The following APOH variants were observed in gnomAD, a reference collection of about 807,000 sequenced individuals.
APOH encodes apolipoprotein H.
APOH carries 48 observed loss-of-function variants against 39.8 expected under a neutral mutation model. The observed-to-expected ratio is 1.21, with a 90% CI of 0.96 to 1.54. The LOEUF (loss-of-function observed/expected upper bound fraction) is 1.54, where lower values mean the gene tolerates loss of function less well. APOH is among the 40% of genes most tolerant of loss of function. The pLI is 0.00. For synonymous variants in APOH, 153 were observed against 151.1 expected, an observed-to-expected ratio of 1.01 and a Z score of -0.09; for missense variants, 415 against 421.2, an observed-to-expected ratio of 0.99 and a Z score of 0.13.
intron 2 of APOH, 112 bp downstream of exon 2, chr17:66,227,908 T>A: frequency 1.7e-6 from 2 of 1,171,450 alleles, no homozygotes. Context: ...AACCTGGCTT[T>A]CTGCAGCATC....
At chr17:66,224,759 AAAG>A (rs2073429014) in intron 3 of APOH, among the ~76,000 whole-genome samples, 1 of 147,732 alleles carries the variant, frequency 6.8e-6, no homozygotes, top group African/African-American at 2.5e-5. Flanking sequence ...AAAGGAAAGG[AAAG>A]GAAAGGAAAG....
intron 2 of APOH, among the ~76,000 whole-genome samples, chr17:66,226,582 G>A (rs1208914751): frequency 6.7e-6 from 1 of 149,574 alleles, no homozygotes; most frequent in East Asian, 2.0e-4. Flanking sequence ...GTGCCAAGAT[G>A]GCACCACTGC....
chr17:66,221,359 AG>A (rs1162298875), intron 4 of APOH, among the ~76,000 whole-genome samples: 1 of 67,402 alleles, frequency 1.5e-5, no homozygotes, highest in East Asian at 5.6e-4. Flanking sequence ...AAGAAAGAGG[AG>A]GGGAGGGGAG....
chr17:66,227,303 G>A (rs1351759486), intron 2 of APOH, among the ~76,000 whole-genome samples: 2 of 152,046 alleles, frequency 1.3e-5, no homozygotes, highest in African/African-American at 4.8e-5. Context: ...GCATAACTTT[G>A]ACAAAGGTCC....
rs770312358 is a variant in APOH at position 66,228,211 on chromosome 17, A to G, written c.65-15T>C. Reference sequence around the variant, plus strand: ...CTTGGGACAGGCTGAAAGAGGGCACAAAGCAGATGGTTAACAAATCTCTAT... The same window carrying G: ...CTTGGGACAGGCTGAAAGAGGGCACGAAGCAGATGGTTAACAAATCTCTAT... On this transcript the variant is annotated splice_polypyrimidine_tract_variant and intron_variant, in intron 1 of 7. Coordinates refer to ENST00000205948, the MANE Select transcript of APOH (RefSeq NM_000042.3). 1.2e-6 allele frequency: 2 copies of G among 1,605,640 alleles called. No individual in the cohort carries two copies. The highest frequency in any genetic ancestry group is 1.1e-5 in the South Asian group (1 of 90,118).
At chr17:66,216,741 C>T in intron 6 of APOH, 47 bp downstream of exon 6, 29 of 1,486,794 alleles carry the variant, frequency 2.0e-5, no homozygotes, top group Non-Finnish European at 2.5e-5. Flanking sequence ...AGGTGATCCA[C>T]TGTATCAATT....
chr17:66,224,972 C>A (rs775097474), intron 3 of APOH, among the ~76,000 whole-genome samples: 5 of 151,014 alleles, frequency 3.3e-5, no homozygotes, highest in Non-Finnish European at 5.9e-5. Context: ...GAAGCTGAGG[C>A]AGGAGAATTG....
intron 3 of APOH, among the ~76,000 whole-genome samples, 177 bp downstream of exon 3, chr17:66,225,851 T>C (rs1229850868): frequency 6.7e-6 from 1 of 148,844 alleles, no homozygotes; most frequent in Admixed American, 6.7e-5. Context: ...CGCTCCAGCC[T>C]GGGCGACAGA....
At chr17:66,220,800 C>A in intron 4 of APOH, 58 bp from the exon 5 acceptor site, 3 of 1,447,806 alleles carry the variant, frequency 2.1e-6, no homozygotes, top group Non-Finnish European at 2.8e-6. Context: ...TAAATATACT[C>A]TTTCCAGAAA....
chr17:66,220,881 A>G (rs2073394261), intron 4 of APOH, 139 bp from the exon 5 acceptor site: 1 of 895,018 alleles, frequency 1.1e-6, no homozygotes, highest in South Asian at 1.9e-5. Context: ...AAAATTGTCA[A>G]TTGTGGATGC....
At chr17:66,218,128 A>G (rs2073376455) in intron 5 of APOH, among the ~76,000 whole-genome samples, 1 of 152,196 alleles carries the variant, frequency 6.6e-6, no homozygotes, top group Non-Finnish European at 1.5e-5. Flanking sequence ...GGATTCTACC[A>G]TGACTGCCCA....
chr17:66,229,182 C>T, intron 1 of APOH, 134 bp downstream of exon 1: 1 of 593,040 alleles, frequency 1.7e-6, no homozygotes, highest in East Asian at 3.5e-5. Context: ...GGTGATCCAC[C>T]TGCCTTGGCC....
intron 3 of APOH, among the ~76,000 whole-genome samples, chr17:66,225,507 A>G (rs1421848557): frequency 6.6e-6 from 1 of 152,180 alleles, no homozygotes; most frequent in Non-Finnish European, 1.5e-5. Flanking sequence ...TTTTAACCCT[A>G]TCCAAGATTT....
intron 4 of APOH, among the ~76,000 whole-genome samples, chr17:66,221,266 A>AAAGGAAGG (rs369169198): frequency 0.2 from 23,765 of 119,762 alleles, 3,265 homozygotes; most frequent in Non-Finnish European, 0.28. Context: ...AGAGAGAAAG[A>AAAGGAAGG]AAGGAAGGAA....
intron 4 of APOH, among the ~76,000 whole-genome samples, chr17:66,221,021 C>T (rs922294184): frequency 1.3e-5 from 2 of 151,722 alleles, no homozygotes; most frequent in African/African-American, 2.4e-5. Context: ...GGTGAAACCC[C>T]GTCTCTACCA....
chr17:66,221,407 G>GGAAA (rs2073401415), intron 4 of APOH, among the ~76,000 whole-genome samples: 2 of 80,634 alleles, frequency 2.5e-5, no homozygotes, highest in African/African-American at 7.3e-5. Flanking sequence ...AAGGAAGGAA[G>GGAAA]GAAGGAAGGA....
intron 1 of APOH, among the ~76,000 whole-genome samples, chr17:66,228,427 G>A (rs2073452772): frequency 1.3e-5 from 2 of 152,186 alleles, no homozygotes; most frequent in South Asian, 4.1e-4. Flanking sequence ...AATTGGCTAC[G>A]TATCTTACAG....
chr17:66,226,621 C>A (rs1429028711), intron 2 of APOH, among the ~76,000 whole-genome samples: 528 of 133,506 alleles, frequency 4.0e-3, no homozygotes, highest in Middle Eastern at 4.5e-3. Flanking sequence ...ACTCCGTCTC[C>A]AAAAAAAAAA....
At chr17:66,213,732 G>A (rs1300807694) in intron 7 of APOH, among the ~76,000 whole-genome samples, 1 of 152,038 alleles carries the variant, frequency 6.6e-6, no homozygotes, top group East Asian at 1.9e-4. Context: ...GAGTCCAAGG[G>A]TTCAAAACCA....
Sources: allele counts gnomAD v4.1 joint callset (sites outside exome capture counted in the v4.1 genomes callset), GRCh38; gene constraint gnomAD v4.1.1; transcripts MANE v1.5; gene names NCBI Gene and HGNC (gene_info 2026-07-23, HGNC 2026-07-21).